ARID2: variants seen among roughly 807,000 people sequenced by gnomAD.
ARID2 encodes AT-rich interaction domain 2.
ARID2 carries 32 observed loss-of-function variants against 184.6 expected under a neutral mutation model. That is an observed-to-expected ratio of 0.17 (90% CI 0.13 to 0.23). ARID2 has a LOEUF of 0.23. Among genes scored for constraint, ARID2 ranks in the 10% least tolerant of loss-of-function variants. The pLI is 1.00. For missense variants in ARID2, 1,696 were observed against 2,197.6 expected, an observed-to-expected ratio of 0.77 and a Z score of 4.56; for synonymous variants, 836 against 772.6, an observed-to-expected ratio of 1.08 and a Z score of -1.36.
chr12:45,813,690 G>T (rs1942754964), intron 4 of ARID2, among the ~76,000 whole-genome samples: 1 of 152,102 alleles, frequency 6.6e-6, no homozygotes. Flanking sequence ...TCAGTGGTCA[G>T]TAGTGCTAGA....
chr12:45,778,690 T>A (rs866226249), intron 3 of ARID2, among the ~76,000 whole-genome samples: 2 of 151,986 alleles, frequency 1.3e-5, no homozygotes, highest in African/African-American at 4.8e-5. Flanking sequence ...TTTAAATTTT[T>A]AAATAAATGA....
At chr12:45,899,785 CCT>C (rs1491064748) in intron 20 of ARID2, among the ~76,000 whole-genome samples, 1,907 of 130,436 alleles carry the variant, frequency 0.015, 37 homozygotes, top group South Asian at 0.032. Context: ...TTTACCCCCC[CCT>C]CCCACCTCCA....
At chr12:45,878,419 C>G (rs1944046329) in intron 16 of ARID2, among the ~76,000 whole-genome samples, 1 of 152,204 alleles carries the variant, frequency 6.6e-6, no homozygotes, top group African/African-American at 2.4e-5. Context: ...TTCCTCTATT[C>G]TTTGTTCCCT....
At chr12:45,757,978 A>C (rs1941600064) in intron 3 of ARID2, among the ~76,000 whole-genome samples, 1 of 152,232 alleles carries the variant, frequency 6.6e-6, no homozygotes, top group Non-Finnish European at 1.5e-5. Flanking sequence ...CCTTTAGGTG[A>C]ATATGCAAAG....
chr12:45,767,182 A>G (rs1941787679), intron 3 of ARID2, among the ~76,000 whole-genome samples: 1 of 151,972 alleles, frequency 6.6e-6, no homozygotes, highest in South Asian at 2.1e-4. Context: ...TGCATTTTTT[A>G]TATATTCTTT....
chr12:45,905,239 T>A lies in ARID2; in HGVS notation c.*161T>A. 1 of 604,156 alleles carries A rather than the reference T, an allele frequency of 1.7e-6. No homozygotes were observed. The highest frequency in any genetic ancestry group is 2.6e-6 in the Non-Finnish European group (1 of 389,374). 37.4% of individuals were successfully genotyped at this position (604,156 alleles called of 1,614,324 possible). A position where few individuals can be genotyped will look rare whatever the true frequency, so the allele number is the denominator to read the frequency against. ...GAAGCTTCGTATTCTGATCTCTGAG[T>A]GAATCCCTTTGTTCTCTGTTTAAAA... On this transcript the variant is annotated 3_prime_UTR_variant, in exon 21 of 21. Transcript: ENST00000334344.
intron 16 of ARID2, among the ~76,000 whole-genome samples, chr12:45,878,356 C>T (rs1432506812): frequency 6.6e-6 from 1 of 152,144 alleles, no homozygotes; most frequent in Non-Finnish European, 1.5e-5. Flanking sequence ...ATTCCCACTG[C>T]ATATATTTGC....
At chr12:45,841,858 T>G (rs1456677320) in intron 11 of ARID2, 3 of 152,156 alleles carry the variant, frequency 2.0e-5, no homozygotes, top group African/African-American at 7.2e-5. Flanking sequence ...ACATTTTATG[T>G]TTGAGATTCT....
chr12:45,831,816 G>T (rs1255568855), intron 6 of ARID2, among the ~76,000 whole-genome samples: 2 of 152,044 alleles, frequency 1.3e-5, no homozygotes, highest in Non-Finnish European at 2.9e-5. Flanking sequence ...TACGTCTTTT[G>T]AACCTCTGTT....
chr12:45,753,671 C>A (rs7315793), intron 3 of ARID2, among the ~76,000 whole-genome samples: 1 of 151,962 alleles, frequency 6.6e-6, no homozygotes, highest in Non-Finnish European at 1.5e-5. Flanking sequence ...AGTGCGATTG[C>A]GTCTCACTGC....
rs1420008142 is a variant in ARID2, at chr12:45,762,069, G to C, written c.284+30755G>C. Among the ~76,000 whole-genome samples the C allele has an allele frequency of 2.0e-5, 3 of 151,890 alleles. No homozygotes were observed. In the East Asian group the frequency reaches 5.8e-4, roughly 29 times the overall value. On this transcript the variant is annotated intron_variant, in intron 3 of 20. Coordinates refer to ENST00000334344, the MANE Select transcript of ARID2 (RefSeq NM_152641.4). ...CTGCTTATTCCTGCTTTGTATTTCT[G>C]ATATTTTTTCATGTCTGCCTGAGGC...
At chr12:45,863,062 T>A (rs930724699) in intron 16 of ARID2, among the ~76,000 whole-genome samples, 7 of 152,302 alleles carry the variant, frequency 4.6e-5, no homozygotes, top group African/African-American at 1.7e-4. Context: ...AATTACAGTA[T>A]AAGTAAGTAC....
chr12:45,778,269 C>T (rs1345114633), intron 3 of ARID2, among the ~76,000 whole-genome samples: 3 of 151,934 alleles, frequency 2.0e-5, no homozygotes, highest in Non-Finnish European at 4.4e-5. Context: ...CAAGAAAATG[C>T]CTTATTATAG....
intron 16 of ARID2, among the ~76,000 whole-genome samples, chr12:45,883,445 A>G (rs1456683841): frequency 1.3e-5 from 2 of 150,570 alleles, no homozygotes; most frequent in East Asian, 3.9e-4. Flanking sequence ...TCTAGTATGT[A>G]CTTCAGCAAA....
chr12:45,823,068 G>A (rs963671897), intron 6 of ARID2, among the ~76,000 whole-genome samples: 2 of 152,008 alleles, frequency 1.3e-5, no homozygotes, highest in African/African-American at 4.8e-5. Context: ...CATATCGTAT[G>A]CCACAATACA....
intron 11 of ARID2, among the ~76,000 whole-genome samples, 186 bp from the exon 12 acceptor site, chr12:45,846,670 G>A (rs1382543381): frequency 6.6e-6 from 1 of 152,088 alleles, no homozygotes; most frequent in Non-Finnish European, 1.5e-5. Context: ...CTCTAAGACA[G>A]TGCCTGGTAT....
intron 3 of ARID2, among the ~76,000 whole-genome samples, chr12:45,809,101 T>C (rs934477915): frequency 1.3e-5 from 2 of 152,204 alleles, no homozygotes; most frequent in African/African-American, 4.8e-5. Flanking sequence ...CTGTACTAAA[T>C]GATAACAACT....
At chr12:45,870,427 TTGA>T (rs935638411) in intron 16 of ARID2, among the ~76,000 whole-genome samples, 2 of 152,242 alleles carry the variant, frequency 1.3e-5, no homozygotes, top group African/African-American at 4.8e-5. Flanking sequence ...CATGTGATAA[TTGA>T]TGAGCCAATA....
intron 20 of ARID2, among the ~76,000 whole-genome samples, chr12:45,896,838 G>A (rs1944374405): frequency 6.6e-6 from 1 of 152,148 alleles, no homozygotes; most frequent in Admixed American, 6.5e-5. Context: ...TTCTAAATTT[G>A]GGGATGTTTT....
Sources: allele counts gnomAD v4.1 joint callset (sites outside exome capture counted in the v4.1 genomes callset), GRCh38; gene constraint gnomAD v4.1.1; transcripts MANE v1.5; gene names NCBI Gene and HGNC (gene_info 2026-07-23, HGNC 2026-07-21).